CNTN1: variants seen among roughly 807,000 people sequenced by gnomAD.
CNTN1 encodes contactin-1.
In CNTN1, 38 loss-of-function variants were observed where a neutral mutation model predicts 126.4. That is an observed-to-expected ratio of 0.30 (90% confidence interval 0.23 to 0.39). The LOEUF (loss-of-function observed/expected upper bound fraction) is 0.39. CNTN1 is among the 10% of genes least tolerant of loss of function. The pLI, the probability that CNTN1 is intolerant of heterozygous loss-of-function variation, is 1.00. For missense variants in CNTN1, 1,009 were observed against 1,248.4 expected (o/e 0.81, Z 2.89); for synonymous variants, 413 against 422.6 (o/e 0.98, Z 0.28).
chr12:41,004,291 G>C (rs1227293601), intron 17 of CNTN1, among the ~76,000 whole-genome samples: 2 of 152,158 alleles, frequency 1.3e-5, no homozygotes, highest in Admixed American at 6.5e-5. Context: ...TGATTTTGCT[G>C]TGGTCCAAGA....
chr12:40,886,369 C>A (rs1458416184), intron 1 of CNTN1, among the ~76,000 whole-genome samples: 1 of 152,012 alleles, frequency 6.6e-6, no homozygotes, highest in Admixed American at 6.6e-5. Context: ...TGTTGGTTTG[C>A]ATTATTTAGG....
At chr12:40,831,186 TTATAG>T (rs1378245336) in intron 1 of CNTN1, among the ~76,000 whole-genome samples, 1 of 147,862 alleles carries the variant, frequency 6.8e-6, no homozygotes, top group African/African-American at 2.5e-5. Flanking sequence ...ATATATTTAC[TTATAG>T]TATATACATT....
chr12:40,817,963 T>C (rs946574097), intron 1 of CNTN1, among the ~76,000 whole-genome samples: 12 of 152,148 alleles, frequency 7.9e-5, no homozygotes, highest in African/African-American at 2.9e-4. Context: ...GGGTTGAAAA[T>C]TCTTTCCTTT....
At position 40,728,546 on chromosome 12, in the gene CNTN1, A is replaced by C. The variant is rs570668832; in HGVS notation, c.-77+35954A>C. Among the ~76,000 whole-genome samples, 20 of 152,300 alleles carry C rather than the reference A, an allele frequency of 1.3e-4. 1 individual carries two copies. In the East Asian group the frequency reaches 1.9e-3, roughly 15 times the overall value. ...CCCTACTTGTAAGGACTTGGCAAAA[A>C]TGTTGGCTATCCACATTCTATAGGA... is the stretch of plus-strand genomic sequence containing the variant. On this transcript the variant is annotated intron_variant, in intron 1 of 23. Transcript: ENST00000551295.
At chr12:40,805,554 C>T (rs1394213249) in intron 1 of CNTN1, among the ~76,000 whole-genome samples, 3 of 152,106 alleles carry the variant, frequency 2.0e-5, no homozygotes, top group South Asian at 2.1e-4. Context: ...CTTAAATTCT[C>T]ACTTTGTTAA....
intron 3 of CNTN1, among the ~76,000 whole-genome samples, chr12:40,914,920 A>G (rs1945175608): frequency 6.6e-6 from 1 of 152,156 alleles, no homozygotes; most frequent in Non-Finnish European, 1.5e-5. Context: ...GAATAACCCT[A>G]TATACACACT....
At chr12:40,835,756 C>T (rs1199608984) in intron 1 of CNTN1, among the ~76,000 whole-genome samples, 2 of 150,744 alleles carry the variant, frequency 1.3e-5, no homozygotes, top group Admixed American at 6.6e-5. Flanking sequence ...ACTTCTGAGC[C>T]CAGGCTAGTA....
intron 1 of CNTN1, among the ~76,000 whole-genome samples, chr12:40,838,485 C>T (rs917394905): frequency 6.6e-6 from 1 of 152,170 alleles, no homozygotes; most frequent in Non-Finnish European, 1.5e-5. Context: ...GTCAGCCCTC[C>T]AGTAACTGCA....
At chr12:40,971,293 T>G in intron 15 of CNTN1, 1 of 663,532 alleles carries the variant, frequency 1.5e-6, no homozygotes, top group Admixed American at 3.0e-5. Flanking sequence ...CCGTCCTCAG[T>G]GTGTAGGGGA....
rs554938908 is a variant in CNTN1, at chr12:40,858,273, A to G, written c.-76-50084A>G. On this transcript the variant is annotated intron_variant, in intron 1 of 23. Coordinates refer to ENST00000551295, the MANE Select transcript of CNTN1 (RefSeq NM_001843.4). Reference sequence around the variant, plus strand: ...CCCCTTTCTCTTCTGGAAGGGCCCAAGCCCTCTTTTAAGGACTTTCACTTG... The same window carrying G: ...CCCCTTTCTCTTCTGGAAGGGCCCAGGCCCTCTTTTAAGGACTTTCACTTG... Among the ~76,000 whole-genome samples, 6 of 152,312 alleles carry G rather than the reference A, an allele frequency of 3.9e-5. No individual in the cohort carries two copies. In the South Asian group the frequency reaches 1.2e-3, roughly 32 times the overall value.
chr12:40,843,075 T>G (rs1411303419), intron 1 of CNTN1, among the ~76,000 whole-genome samples: 6 of 152,198 alleles, frequency 3.9e-5, no homozygotes, highest in Admixed American at 3.9e-4. Flanking sequence ...CACTGTCAGC[T>G]TCTCTGAATA....
intron 15 of CNTN1, chr12:40,972,285 A>G: frequency 1.0e-6 from 1 of 985,300 alleles, no homozygotes; most frequent in Non-Finnish European, 1.2e-6. Context: ...CTTGAGTAGA[A>G]GTGGATGATT....
chr12:40,985,509 T>A (rs1357457294), intron 16 of CNTN1, among the ~76,000 whole-genome samples: 7 of 152,208 alleles, frequency 4.6e-5, no homozygotes, highest in Admixed American at 2.0e-4. Flanking sequence ...CTCTTCATTT[T>A]ACTTTGATCA....
In CNTN1 at chr12:40,717,519, C is replaced by T. The variant is rs565359071; in HGVS notation, c.-77+24927C>T. ...ACATTCTTATTTAAACTTCAGCTAC[C>T]CATCCAAATTGGTATTTAAAATAAG... is the stretch of plus-strand genomic sequence containing the variant. On this transcript the variant is annotated intron_variant, in intron 1 of 23. Transcript: ENST00000551295. Among the ~76,000 whole-genome samples the T allele has an allele frequency of 2.0e-5, 3 of 152,176 alleles. No homozygotes were observed. In the East Asian group the frequency reaches 5.8e-4, roughly 29 times the overall value.
intron 17 of CNTN1, among the ~76,000 whole-genome samples, chr12:41,010,906 T>C (rs7971217): frequency 0.1 from 15,559 of 151,998 alleles, 904 homozygotes; most frequent in Non-Finnish European, 0.13. Flanking sequence ...CTATCGGGAA[T>C]GGTGTTTCCA....
intron 20 of CNTN1, among the ~76,000 whole-genome samples, chr12:41,021,188 A>T (rs913501305): frequency 6.6e-6 from 1 of 152,200 alleles, no homozygotes; most frequent in African/African-American, 2.4e-5. Context: ...TACCAAAGAG[A>T]TTTGACAACT....
intron 23 of CNTN1, among the ~76,000 whole-genome samples, chr12:41,039,345 A>G: frequency 6.6e-6 from 1 of 152,158 alleles, no homozygotes; most frequent in East Asian, 1.9e-4. Context: ...GGAGGCAGTT[A>G]TATTAAGGAT....
rs1555205992 is a variant in CNTN1, at chr12:41,057,019, TGATATTTATAAATATTATAAATATTTA to T, written c.2981-12866_2981-12840del. Among the ~76,000 whole-genome samples, 78 of 63,346 alleles carry T rather than the reference TGATATTTATAAATATTATAAATATTTA, an allele frequency of 1.2e-3. 2 individuals carry two copies. Among genetic ancestry groups the T allele is most frequent in the Non-Finnish European group, 1.5e-3 (57 of 36,950 alleles). The allele number at this position is 63,346 out of a possible 152,430, so 41.6% of individuals were successfully genotyped here. ...TTATAAATATTTAGATATTTATAAA[TGATATTTATAAATATTATAAATATTTA>T]GATATTTATAAATATTATAAATATT... On this transcript the variant is annotated intron_variant, in intron 23 of 23. Coordinates refer to ENST00000551295, the MANE Select transcript of CNTN1 (RefSeq NM_001843.4).
intron 22 of CNTN1, among the ~76,000 whole-genome samples, chr12:41,028,414 C>T (rs1243365966): frequency 1.3e-5 from 2 of 152,104 alleles, no homozygotes; most frequent in Non-Finnish European, 2.9e-5. Flanking sequence ...AAATGGAAAA[C>T]ATTATCTTCA....
Sources: gnomAD v4.1 joint callset for allele counts (sites outside exome capture counted in the v4.1 genomes callset) on GRCh38, gnomAD v4.1.1 for gene constraint, MANE v1.5 for transcripts, NCBI Gene and HGNC (gene_info 2026-07-23, HGNC 2026-07-21) for gene names.